Variants in IGF2BP3 observed in about 807,000 individuals in gnomAD.
IGF2BP3 encodes the protein insulin like growth factor 2 mRNA binding protein 3.
IGF2BP3 carries 9 observed loss-of-function variants against 73.8 expected under a neutral mutation model. That is an observed-to-expected ratio of 0.12 (90% CI 0.07 to 0.21). The LOEUF is 0.21. Among genes scored for constraint, IGF2BP3 ranks in the 10% least tolerant of loss-of-function variants. IGF2BP3 has a pLI of 1.00. For missense variants in IGF2BP3, 542 were observed against 714.0 expected (o/e 0.76, Z 2.75); for synonymous variants, 258 against 256.7 (o/e 1.01, Z -0.05).
Position 23,311,038 on chromosome 7 carries a change from T to C in IGF2BP3, c.*1324A>G, listed in dbSNP as rs1783813436. ...AAACTTTTCTTGTATTCTCTATCTT[T>C]TGACTTTTTTTTCAAAGAACTGATT... On this transcript the variant is annotated 3_prime_UTR_variant, in exon 15 of 15. Transcript: ENST00000258729. The C allele has an allele frequency of 6.6e-6, 1 of 152,212 alleles. No individual in the cohort carries two copies. Among genetic ancestry groups the C allele is most frequent in the South Asian group, 2.1e-4 (1 of 4,832 alleles). The allele number at this position is 152,212 out of a possible 1,614,324, so 9.4% of individuals were successfully genotyped here.
intron 3 of IGF2BP3, among the ~76,000 whole-genome samples, chr7:23,371,253 T>C (rs1020010319): frequency 5.3e-5 from 8 of 151,978 alleles, no homozygotes; most frequent in Admixed American, 2.6e-4. Flanking sequence ...CTACTACTCA[T>C]TGCAACAAGA....
intron 2 of IGF2BP3, among the ~76,000 whole-genome samples, chr7:23,437,532 G>A (rs973972518): frequency 6.6e-6 from 1 of 151,596 alleles, no homozygotes. Flanking sequence ...AAAACAATCT[G>A]GACTGTCCAC....
At chr7:23,367,729 G>C (rs922158386) in intron 3 of IGF2BP3, among the ~76,000 whole-genome samples, 4 of 152,058 alleles carry the variant, frequency 2.6e-5, no homozygotes, top group Admixed American at 6.6e-5. Flanking sequence ...GGCTGGGCGC[G>C]GTGGCTCACG....
intron 3 of IGF2BP3, among the ~76,000 whole-genome samples, chr7:23,380,468 C>T (rs1785875164): frequency 1.3e-5 from 2 of 152,104 alleles, no homozygotes; most frequent in Admixed American, 1.3e-4. Flanking sequence ...CGGCCTACTG[C>T]CCACCATGCT....
At chr7:23,461,361 T>C (rs1193961106) in intron 2 of IGF2BP3, among the ~76,000 whole-genome samples, 7 of 152,200 alleles carry the variant, frequency 4.6e-5, no homozygotes, top group Non-Finnish European at 1.0e-4. Flanking sequence ...GTCACTTCTA[T>C]GTCCCATCTC....
At chr7:23,313,711 T>G (rs1783896063) in intron 12 of IGF2BP3, 58 bp from the exon 13 acceptor site, 2 of 1,574,222 alleles carry the variant, frequency 1.3e-6, no homozygotes, top group African/African-American at 2.7e-5. Context: ...AAAAGGTCAG[T>G]TAACTTGAAA....
At chr7:23,467,512 C>G (rs1026377689) in intron 2 of IGF2BP3, among the ~76,000 whole-genome samples, 1 of 152,166 alleles carries the variant, frequency 6.6e-6, no homozygotes, top group Non-Finnish European at 1.5e-5. Context: ...AGGCCCACCC[C>G]GGTGCGACTG....
chr7:23,435,771 GT>G (rs1787796142), intron 2 of IGF2BP3, among the ~76,000 whole-genome samples: 1 of 148,440 alleles, frequency 6.7e-6, no homozygotes, highest in South Asian at 2.2e-4. Flanking sequence ...GTCTTTGTTT[GT>G]TTTTTGAGAC....
In IGF2BP3 at chr7:23,469,605, CG is replaced by C. The variant is rs548699020; in HGVS notation, c.175+330del. 9.2e-4 allele frequency: 147 copies of C among 160,496 alleles called. 1 individual carries two copies. In the South Asian group the frequency reaches 0.02, roughly 22 times the overall value. The allele number at this position is 160,496 out of a possible 1,614,324, so 9.9% of individuals were successfully genotyped here. On this transcript the variant is annotated intron_variant, in intron 1 of 14. Coordinates refer to ENST00000258729, the MANE Select transcript of IGF2BP3 (RefSeq NM_006547.3). The surrounding 1 kb of genome is among the most constrained non-coding windows in gnomAD (Gnocchi z 6.1). Reference sequence around the variant, plus strand: ...GCTCGGCCCCCGAGGCCCAGCGTGCCGGGGCCTGGAGCACGCGCCTGGGCCC... The same window carrying C: ...GCTCGGCCCCCGAGGCCCAGCGTGCCGGGCCTGGAGCACGCGCCTGGGCCC...
intron 2 of IGF2BP3, among the ~76,000 whole-genome samples, chr7:23,447,358 C>T (rs1314960514): frequency 6.6e-6 from 1 of 152,032 alleles, no homozygotes; most frequent in African/African-American, 2.4e-5. Flanking sequence ...TTACAGGTCG[C>T]TCATGCCTGT....
At chr7:23,323,782 A>G (rs1004123447) in intron 10 of IGF2BP3, among the ~76,000 whole-genome samples, 1 of 152,180 alleles carries the variant, frequency 6.6e-6, no homozygotes, top group Non-Finnish European at 1.5e-5. Context: ...AAAACTGCTC[A>G]ACTACATGGA....
chr7:23,454,403 C>T (rs542784281), intron 2 of IGF2BP3, among the ~76,000 whole-genome samples: 2 of 152,216 alleles, frequency 1.3e-5, no homozygotes, highest in East Asian at 1.9e-4. Flanking sequence ...CCTATGTCTC[C>T]GTATATATGA....
At chr7:23,374,946 C>A (rs183148767) in intron 3 of IGF2BP3, among the ~76,000 whole-genome samples, 17 of 152,138 alleles carry the variant, frequency 1.1e-4, no homozygotes, top group Admixed American at 9.8e-4. Flanking sequence ...TTCAGCCGGT[C>A]CCCCCGTTCA....
chr7:23,393,733 G>T (rs78884050), intron 3 of IGF2BP3, among the ~76,000 whole-genome samples: 264 of 152,276 alleles, frequency 1.7e-3, no homozygotes, highest in African/African-American at 6.2e-3. Flanking sequence ...AGCCCAAGGG[G>T]GGCAATCATG....
At chr7:23,403,974 T>A (rs530126383) in intron 3 of IGF2BP3, among the ~76,000 whole-genome samples, 3,129 of 136,388 alleles carry the variant, frequency 0.023, 126 homozygotes, top group African/African-American at 0.091. Context: ...AAAAAAAAAA[T>A]TTTTTTTTTT....
chr7:23,400,820 G>C (rs12700432), intron 3 of IGF2BP3, among the ~76,000 whole-genome samples: 39,218 of 152,138 alleles, frequency 0.26, 5,167 homozygotes, highest in South Asian at 0.35. Context: ...ATTTTTCTGA[G>C]ATGGAGCCTT....
chr7:23,429,467 A>G (rs574764445), intron 2 of IGF2BP3, among the ~76,000 whole-genome samples: 1 of 152,342 alleles, frequency 6.6e-6, no homozygotes, highest in South Asian at 2.1e-4. Flanking sequence ...CACAGATTCT[A>G]TCCTCCTAAC....
chr7:23,327,008 G>A (rs527719698), intron 10 of IGF2BP3, among the ~76,000 whole-genome samples: 7 of 151,306 alleles, frequency 4.6e-5, no homozygotes, highest in African/African-American at 1.7e-4. Context: ...CATGGCACAT[G>A]TATACATATG....
intron 2 of IGF2BP3, among the ~76,000 whole-genome samples, chr7:23,459,386 T>C (rs1031105983): frequency 2.0e-5 from 3 of 152,190 alleles, no homozygotes; most frequent in Non-Finnish European, 2.9e-5. Context: ...AAAAGTTTAA[T>C]GAACAAAATG....
Sources: gnomAD v4.1 joint callset for allele counts (sites outside exome capture counted in the v4.1 genomes callset) on GRCh38, gnomAD v4.1.1 for gene constraint, Gnocchi (gnomAD v3.1) non-coding constraint, MANE v1.5 for transcripts, NCBI Gene and HGNC (gene_info 2026-07-23, HGNC 2026-07-21) for gene names.